ROPN1: variants seen among roughly 807,000 people sequenced by gnomAD.
ROPN1 encodes rhophilin associated tail protein 1.
Under a neutral mutation model 20.5 loss-of-function variants are expected in ROPN1, and 14 were observed. The observed-to-expected ratio is 0.68, with a 90% CI of 0.45 to 1.07. The LOEUF (loss-of-function observed/expected upper bound fraction) is 1.07. Among genes scored for constraint, ROPN1 ranks in the 50% least tolerant of loss-of-function variants. The pLI is 0.00. For synonymous variants in ROPN1, 76 were observed against 95.7 expected (o/e 0.79, Z 1.20); for missense variants, 169 against 242.8 (o/e 0.70, Z 2.02).
At chr3:123,984,192 TACG>T (rs905604352) in intron 1 of ROPN1, among the ~76,000 whole-genome samples, 3 of 152,178 alleles carry the variant, frequency 2.0e-5, no homozygotes, top group African/African-American at 7.2e-5. Context: ...CGGCTTTATC[TACG>T]ACAAAACTGT....
Position 123,980,306 on chromosome 3 carries a change from T to C in ROPN1, c.116+60A>G, listed in dbSNP as rs572317269. 171 of 1,565,264 alleles carry C rather than the reference T, an allele frequency of 1.1e-4. No homozygotes were observed. In the East Asian group the frequency reaches 3.1e-3, roughly 28 times the overall value. ...GCAGCCATGACAACCTCCGCGGTTT[T>C]ACAGGACCCTCTGTCTCCGGCCGTC... On this transcript the variant is annotated intron_variant, in intron 2 of 5. Coordinates refer to ENST00000405845, the MANE Select transcript of ROPN1 (RefSeq NM_001317774.2).
At chr3:123,975,611 T>C (rs2038004803) in intron 3 of ROPN1, 71 bp from the exon 4 acceptor site, 1 of 606,046 alleles carries the variant, frequency 1.7e-6, no homozygotes, top group African/African-American at 2.3e-5. Flanking sequence ...AGAAACACCC[T>C]GTCCCCAGGC....
At chr3:123,991,869 C>T (rs1257816706) in intron 1 of ROPN1, 53 bp downstream of exon 1, 1 of 149,800 alleles carries the variant, frequency 6.7e-6, no homozygotes, top group Non-Finnish European at 1.5e-5. Flanking sequence ...CCAGCGCAGC[C>T]CTCGGGGCGC....
chr3:123,980,258 C>T (rs779799206), intron 2 of ROPN1, 108 bp downstream of exon 2: 7 of 939,220 alleles, frequency 7.5e-6, no homozygotes, highest in Non-Finnish European at 1.2e-5. Flanking sequence ...AAGACGATGC[C>T]AGTTAGTCCG....
At chr3:123,979,959 G>T (rs1577369112) in intron 2 of ROPN1, 4 of 387,460 alleles carry the variant, frequency 1.0e-5, no homozygotes, top group Non-Finnish European at 1.9e-5. Context: ...CTGCACTGCT[G>T]CCATCTAGTG....
intron 1 of ROPN1, chr3:123,981,561 T>C (rs1013037946): frequency 6.5e-6 from 1 of 153,816 alleles, no homozygotes; most frequent in Non-Finnish European, 1.5e-5. Context: ...GCTGAAAATA[T>C]CCGCCTACAG....
chr3:123,986,691 G>A (rs1429558323), intron 1 of ROPN1, among the ~76,000 whole-genome samples: 1 of 152,200 alleles, frequency 6.6e-6, no homozygotes, highest in Non-Finnish European at 1.5e-5. Flanking sequence ...GTGCTGGCGG[G>A]GCAAGTAAAA....
intron 2 of ROPN1, 107 bp downstream of exon 2, chr3:123,980,259 A>G: frequency 1.1e-6 from 1 of 947,664 alleles, no homozygotes; most frequent in Non-Finnish European, 1.7e-6. Context: ...AGACGATGCC[A>G]GTTAGTCCGG....
chr3:123,970,256 C>T (rs765968064), intron 4 of ROPN1, 39 bp from the exon 5 acceptor site: 1 of 1,566,388 alleles, frequency 6.4e-7, no homozygotes, highest in African/African-American at 1.4e-5. Context: ...AGTTACTCTT[C>T]CAGGCAATAT....
At chr3:123,979,489 T>A (rs1430011108) in intron 2 of ROPN1, 4 of 366,170 alleles carry the variant, frequency 1.1e-5, no homozygotes, top group African/African-American at 8.6e-5. Flanking sequence ...CCAACTCCTG[T>A]CTCAAGTCCT....
At chr3:123,986,297 A>G (rs996649986) in intron 1 of ROPN1, among the ~76,000 whole-genome samples, 3 of 151,776 alleles carry the variant, frequency 2.0e-5, no homozygotes, top group African/African-American at 7.2e-5. Context: ...AAAATTAAAT[A>G]TTAATAATTT....
rs1553727876 is a variant in ROPN1 at position 123,986,018 on chromosome 3, A to AT, written c.-12-5526dup. Among the ~76,000 whole-genome samples, 102 of 93,976 alleles carry AT rather than the reference A, an allele frequency of 1.1e-3. 10 individuals carry two copies. Among genetic ancestry groups the AT allele is most frequent in the South Asian group, 2.8e-3 (7 of 2,494 alleles). The allele number at this position is 93,976 out of a possible 152,430, so 61.7% of individuals were successfully genotyped here. ...AAAAAAAAAAAAAAAAAAAAAAAAA[A>AT]TCAAAATATTTAAATTATACTTGAA... On this transcript the variant is annotated intron_variant, in intron 1 of 5. Transcript: ENST00000405845.
At chr3:123,972,659 T>C (rs1285337132) in intron 4 of ROPN1, among the ~76,000 whole-genome samples, 3 of 152,174 alleles carry the variant, frequency 2.0e-5, no homozygotes, top group Admixed American at 1.3e-4. Flanking sequence ...ATGGAGTAAA[T>C]GTACCTATTA....
Position 123,980,442 on chromosome 3 carries a change from G to C in ROPN1, c.40C>G (p.Leu14Val), listed in dbSNP as rs1489732252. 2.5e-6 allele frequency: 4 copies of C among 1,614,204 alleles called. No individual in the cohort carries two copies. Among genetic ancestry groups the C allele is most frequent in the Non-Finnish European group, 3.4e-6 (4 of 1,180,044 alleles). The part of the protein sequence containing the change: ...TDKPTCIPPE[L>V]PKMLKEFAKA... ...GCAAACTCCTTCAGCATCTTCGGCA[G>C]CTCCGGCGGGATGCATGTTGGCTTA... Residue 14 changes from leucine (L) to valine (V), a missense_variant, in exon 2 of 6, where the codon CTG becomes GTG. By Grantham distance (32) the Leu-to-Val change is conservative. Around this residue, in one of 3 missense-constraint regions of ROPN1, gnomAD observed 84 missense variants for 99.3 expected, o/e 0.85. Coordinates refer to ENST00000405845, the MANE Select transcript of ROPN1 (RefSeq NM_001317774.2).
intron 1 of ROPN1, among the ~76,000 whole-genome samples, chr3:123,987,050 C>A (rs1055351163): frequency 1.3e-5 from 2 of 152,248 alleles, no homozygotes; most frequent in African/African-American, 4.8e-5. Context: ...CTTATTGGAG[C>A]AAGTTGAGCC....
intron 2 of ROPN1, 137 bp downstream of exon 2, chr3:123,980,229 C>G: frequency 1.3e-6 from 1 of 753,252 alleles, no homozygotes. Context: ...AGCATCAAAG[C>G]AATGCAAGAG....
chr3:123,980,694 C>A (rs984694815), intron 1 of ROPN1: 1 of 480,488 alleles, frequency 2.1e-6, no homozygotes, highest in South Asian at 4.8e-5. Context: ...TAGTTATGTC[C>A]TTTACATAAA....
chr3:123,984,570 T>C (rs2038211773), intron 1 of ROPN1, among the ~76,000 whole-genome samples: 1 of 152,230 alleles, frequency 6.6e-6, no homozygotes, highest in South Asian at 2.1e-4. Context: ...TCCTGTTCAG[T>C]GTGTCCAGAT....
chr3:123,977,949 T>G lies in ROPN1; in HGVS notation c.117-968A>C, dbSNP rs556358039. On this transcript the variant is annotated intron_variant, in intron 2 of 5. Transcript: ENST00000405845. The stretch of plus-strand genomic sequence containing the variant: ...GTCACCAATGCAGCATGGCAGGGTC[T>G]GTCTCCATCAAAAGCCTGGTTATTG... 6.6e-5 allele frequency among the ~76,000 whole-genome samples: 10 copies of G among 152,344 alleles called. No individual in the cohort carries two copies. The East Asian group carries it at 1.9e-3, about 29-fold the overall frequency.
Sources: gnomAD v4.1 joint callset for allele counts (sites outside exome capture counted in the v4.1 genomes callset) on GRCh38, gnomAD v4.1.1 for gene constraint, gnomAD v4.1.1 regional missense constraint, MANE v1.5 for transcripts, NCBI Gene and HGNC (gene_info 2026-07-23, HGNC 2026-07-21) for gene names.